The following ANTXR1 variants were observed in gnomAD, a reference collection of about 807,000 sequenced individuals.
ANTXR1 encodes anthrax toxin receptor 1.
ANTXR1 carries 19 observed loss-of-function variants against 78.1 expected under a neutral mutation model. The observed-to-expected ratio is 0.24, with a 90% confidence interval of 0.17 to 0.36. The LOEUF (loss-of-function observed/expected upper bound fraction) is 0.36. Ranked by LOEUF, ANTXR1 falls within the 10% of genes least tolerant of loss-of-function variation. The probability of loss-of-function intolerance (pLI) is 1.00; values close to 1 mark genes in which losing one functional copy is unlikely to be tolerated. For synonymous variants in ANTXR1, 273 were observed against 260.5 expected (o/e 1.05, Z -0.46); for missense variants, 518 against 718.6 (o/e 0.72, Z 3.19).
chr2:69,232,506 A>C (rs1190611496), intron 17 of ANTXR1, among the ~76,000 whole-genome samples: 1 of 151,984 alleles, frequency 6.6e-6, no homozygotes, highest in East Asian at 1.9e-4. Context: ...TCCAAAAAAA[A>C]AAAAAAAGCA....
chr2:69,083,642 A>G (rs185182760), intron 8 of ANTXR1, among the ~76,000 whole-genome samples: 31 of 152,250 alleles, frequency 2.0e-4, no homozygotes, highest in African/African-American at 7.0e-4. Context: ...TTGCATATTT[A>G]TTAATTATAA....
chr2:69,140,330 C>G (rs987834674), intron 12 of ANTXR1, among the ~76,000 whole-genome samples: 12 of 152,292 alleles, frequency 7.9e-5, no homozygotes, highest in Middle Eastern at 3.4e-3. Context: ...TTTATACATC[C>G]ATATGATTTC....
chr2:69,126,959 A>G (rs913559042), intron 12 of ANTXR1, among the ~76,000 whole-genome samples: 4 of 152,212 alleles, frequency 2.6e-5, no homozygotes, highest in African/African-American at 9.6e-5. Context: ...CAACAAAATT[A>G]TAACCACTCT....
At chr2:69,235,017 CTTTTTTT>C (rs748250586) in intron 17 of ANTXR1, among the ~76,000 whole-genome samples, 4 of 83,366 alleles carry the variant, frequency 4.8e-5, no homozygotes, top group African/African-American at 1.5e-4. Flanking sequence ...ATGATGAAAG[CTTTTTTT>C]TTTTTTTTTT....
At chr2:69,239,583 A>G (rs1339722449) in intron 17 of ANTXR1, among the ~76,000 whole-genome samples, 1 of 152,248 alleles carries the variant, frequency 6.6e-6, no homozygotes, top group Non-Finnish European at 1.5e-5. Flanking sequence ...ATTATAGAAT[A>G]TTAGGGCTGA....
chr2:69,162,077 GA>G (rs993634492), intron 13 of ANTXR1, among the ~76,000 whole-genome samples: 11 of 152,030 alleles, frequency 7.2e-5, no homozygotes, highest in African/African-American at 2.2e-4. Context: ...CACAGCAAAA[GA>G]AAAACAAAAA....
intron 1 of ANTXR1, among the ~76,000 whole-genome samples, chr2:69,024,541 A>T (rs979812549): frequency 2.4e-4 from 36 of 152,128 alleles, no homozygotes; most frequent in Non-Finnish European, 7.4e-5. Flanking sequence ...GAATTGTATT[A>T]GTGAGGCAAG....
chr2:69,086,999 A>C (rs755637861), intron 8 of ANTXR1, among the ~76,000 whole-genome samples: 2 of 152,244 alleles, frequency 1.3e-5, no homozygotes, highest in Admixed American at 6.5e-5. Context: ...TTTTCCAAAC[A>C]AAATATCTCT....
chr2:69,181,691 C>T (rs1395631068), intron 14 of ANTXR1, 95 bp from the exon 15 acceptor site: 11 of 1,208,170 alleles, frequency 9.1e-6, no homozygotes, highest in Non-Finnish European at 1.4e-5. Flanking sequence ...GGCAGTCTGA[C>T]TCTATAAGCT....
At position 69,013,254 on chromosome 2, in the gene ANTXR1, C is replaced by T. The variant is rs1157346000; in HGVS notation, c.-246C>T. On this transcript the variant is annotated 5_prime_UTR_variant, in exon 1 of 18. Coordinates refer to ENST00000303714, the MANE Select transcript of ANTXR1 (RefSeq NM_032208.3). This position sits in a 1 kb window ranked among gnomAD's most constrained non-coding sequence, Gnocchi z 5.0. ...GCGGCCCCGGACCGAGGCAGCCCTC[C>T]CCTTTAAAAGAAGCGGAGGACAGGA... 3.2e-6 allele frequency: 2 copies of T among 624,328 alleles called. No individual in the cohort carries two copies. The highest frequency in any genetic ancestry group is 2.0e-5 in the South Asian group (1 of 51,200). 38.7% of individuals were successfully genotyped at this position (624,328 alleles called of 1,614,324 possible). A position where few individuals can be genotyped will look rare whatever the true frequency, so the allele number is the denominator to read the frequency against.
intron 16 of ANTXR1, among the ~76,000 whole-genome samples, chr2:69,189,011 T>G (rs1037678369): frequency 6.6e-6 from 1 of 152,232 alleles, no homozygotes; most frequent in African/African-American, 2.4e-5. Flanking sequence ...TATTCTGATT[T>G]TGGTTGTAAA....
At chr2:69,188,240 G>A (rs776489694) in intron 16 of ANTXR1, among the ~76,000 whole-genome samples, 6 of 152,116 alleles carry the variant, frequency 3.9e-5, no homozygotes, top group Non-Finnish European at 5.9e-5. Context: ...CCAAGTAGCT[G>A]GGACTACAGA....
chr2:69,115,002 C>A (rs1206950591), intron 10 of ANTXR1, among the ~76,000 whole-genome samples: 1 of 152,202 alleles, frequency 6.6e-6, no homozygotes, highest in Non-Finnish European at 1.5e-5. Context: ...AGACATTACG[C>A]CAGGTTTTCT....
At chr2:69,015,784 G>GA (rs571723923) in intron 1 of ANTXR1, among the ~76,000 whole-genome samples, 1 of 152,090 alleles carries the variant, frequency 6.6e-6, no homozygotes, top group East Asian at 1.9e-4. Context: ...AATAAGCCAT[G>GA]AAAAAACATA....
intron 6 of ANTXR1, among the ~76,000 whole-genome samples, chr2:69,075,253 G>T (rs1228817032): frequency 6.6e-6 from 1 of 152,122 alleles, no homozygotes; most frequent in Non-Finnish European, 1.5e-5. Flanking sequence ...ACAAAGAAAC[G>T]TATGTCAGTA....
intron 1 of ANTXR1, among the ~76,000 whole-genome samples, chr2:69,033,654 G>A (rs1436634655): frequency 6.6e-6 from 1 of 152,160 alleles, no homozygotes; most frequent in East Asian, 1.9e-4. Flanking sequence ...CAAGTGGGTT[G>A]CTGAGGACAT....
intron 12 of ANTXR1, among the ~76,000 whole-genome samples, chr2:69,146,683 T>A (rs72901334): frequency 6.6e-6 from 1 of 152,222 alleles, no homozygotes. Flanking sequence ...AGAAGGATCA[T>A]GGAGAATGAG....
intron 1 of ANTXR1, among the ~76,000 whole-genome samples, chr2:69,036,081 T>A (rs1669406993): frequency 6.6e-6 from 1 of 152,230 alleles, no homozygotes; most frequent in African/African-American, 2.4e-5. Context: ...TCCTTGAGAA[T>A]GAGGAAATAT....
At chr2:69,122,206 T>A (rs909581249) in intron 10 of ANTXR1, among the ~76,000 whole-genome samples, 3 of 152,194 alleles carry the variant, frequency 2.0e-5, no homozygotes, top group African/African-American at 7.2e-5. Context: ...GCTCATGCCA[T>A]TCCTCCAACC....
Sources: gnomAD v4.1 joint callset for allele counts (sites outside exome capture counted in the v4.1 genomes callset) on GRCh38, gnomAD v4.1.1 for gene constraint, Gnocchi (gnomAD v3.1) non-coding constraint, MANE v1.5 for transcripts, NCBI Gene and HGNC (gene_info 2026-07-23, HGNC 2026-07-21) for gene names.